Variants in ZBTB20 observed in about 807,000 individuals in gnomAD.
ZBTB20 encodes zinc finger and BTB domain-containing protein 20.
ZBTB20 carries 9 observed loss-of-function variants against 56.9 expected under a neutral mutation model. That is an observed-to-expected ratio of 0.16 (90% CI 0.10 to 0.28). ZBTB20 has a LOEUF of 0.28. Among genes scored for constraint, ZBTB20 ranks in the 10% least tolerant of loss-of-function variants. The probability of loss-of-function intolerance (pLI) is 1.00; values close to 1 mark genes in which losing one functional copy is unlikely to be tolerated. For synonymous variants in ZBTB20, 417 were observed against 420.7 expected, an observed-to-expected ratio of 0.99 and a Z score of 0.11; for missense variants, 655 against 1,003.0, an observed-to-expected ratio of 0.65 and a Z score of 4.69.
chr3:114,857,379 C>T lies in ZBTB20; in HGVS notation c.-417+42925G>A, dbSNP rs2075301352. Among the ~76,000 whole-genome samples the T allele has an allele frequency of 2.6e-5, 4 of 152,250 alleles. No homozygotes were observed. The South Asian group carries it at 8.3e-4, about 32-fold the overall frequency. On this transcript the variant is annotated intron_variant, in intron 4 of 11. Coordinates refer to ENST00000675478, the MANE Select transcript of ZBTB20 (RefSeq NM_001348800.3). Reference sequence around the variant, plus strand: ...GGCACGGTAAAACACTGGCACTTTCCCGTGATCCTTTACAAAATATTTAAG... The same window carrying T: ...GGCACGGTAAAACACTGGCACTTTCTCGTGATCCTTTACAAAATATTTAAG...
intron 1 of ZBTB20, among the ~76,000 whole-genome samples, chr3:115,088,650 A>G (rs553181779): frequency 1.8e-4 from 28 of 152,012 alleles, no homozygotes; most frequent in Non-Finnish European, 3.4e-4. Flanking sequence ...CATACAGGAT[A>G]AGTGAGAAAT....
intron 10 of ZBTB20, among the ~76,000 whole-genome samples, chr3:114,357,005 C>T (rs1481293614): frequency 6.6e-6 from 1 of 152,134 alleles, no homozygotes; most frequent in Non-Finnish European, 1.5e-5. Flanking sequence ...TATCTTGGCT[C>T]TATATACCTA....
intron 6 of ZBTB20, among the ~76,000 whole-genome samples, chr3:114,623,654 C>T (rs952471001): frequency 2.6e-5 from 4 of 152,172 alleles, no homozygotes; most frequent in African/African-American, 9.7e-5. Context: ...ATATTCTCTC[C>T]TGCTTAGCTA....
intron 5 of ZBTB20, among the ~76,000 whole-genome samples, chr3:114,700,947 C>T (rs1349354298): frequency 6.6e-6 from 1 of 152,126 alleles, no homozygotes. Flanking sequence ...TTCTCCCCTC[C>T]TATTTCTTAA....
chr3:115,134,329 T>C (rs1362047019), intron 1 of ZBTB20, among the ~76,000 whole-genome samples: 1 of 152,226 alleles, frequency 6.6e-6, no homozygotes, highest in Non-Finnish European at 1.5e-5. Flanking sequence ...TATGTTAGCT[T>C]ACAGTCAGAG....
chr3:114,416,925 C>G (rs2088620694), intron 7 of ZBTB20, among the ~76,000 whole-genome samples: 2 of 151,934 alleles, frequency 1.3e-5, no homozygotes, highest in Non-Finnish European at 2.9e-5. Flanking sequence ...AAGGACACAC[C>G]ATTTTAATAC....
At chr3:114,458,509 A>C (rs1488246898) in intron 7 of ZBTB20, among the ~76,000 whole-genome samples, 4 of 152,136 alleles carry the variant, frequency 2.6e-5, no homozygotes, top group African/African-American at 9.7e-5. Flanking sequence ...AATTCCAATC[A>C]CATTTTTTTC....
intron 2 of ZBTB20, among the ~76,000 whole-genome samples, chr3:115,044,241 C>T (rs2081257239): frequency 6.6e-6 from 1 of 152,196 alleles, no homozygotes; most frequent in African/African-American, 2.4e-5. Flanking sequence ...TCACGTAAGA[C>T]TAAATGTTAG....
intron 1 of ZBTB20, among the ~76,000 whole-genome samples, chr3:115,126,729 GA>G (rs1438860891): frequency 1.3e-5 from 2 of 152,094 alleles, no homozygotes; most frequent in Non-Finnish European, 2.9e-5. Context: ...TATTATTTAT[GA>G]AAAAATGGAA....
intron 4 of ZBTB20, among the ~76,000 whole-genome samples, chr3:114,806,500 TTA>T (rs2072117087): frequency 1.3e-5 from 2 of 151,960 alleles, no homozygotes; most frequent in Non-Finnish European, 2.9e-5. Flanking sequence ...TCTTATCAGA[TTA>T]TGATTTGCAA....
intron 5 of ZBTB20, among the ~76,000 whole-genome samples, chr3:114,756,117 C>A (rs886090460): frequency 6.6e-6 from 1 of 151,638 alleles, no homozygotes; most frequent in African/African-American, 2.4e-5. Flanking sequence ...CATTGTCAGC[C>A]ATTTTAATTC....
intron 4 of ZBTB20, among the ~76,000 whole-genome samples, chr3:114,811,210 C>T (rs2072492507): frequency 6.6e-6 from 1 of 152,090 alleles, no homozygotes; most frequent in South Asian, 2.1e-4. Context: ...TTAGTATTTG[C>T]CAGCTTATTT....
At chr3:114,349,675 A>C (rs2080481624) in intron 11 of ZBTB20, among the ~76,000 whole-genome samples, 1 of 152,206 alleles carries the variant, frequency 6.6e-6, no homozygotes, top group Admixed American at 6.5e-5. Context: ...CAAACTATAC[A>C]AACTGAATGT....
At chr3:114,749,578 AGG>A (rs1472725445) in intron 5 of ZBTB20, among the ~76,000 whole-genome samples, 1 of 137,150 alleles carries the variant, frequency 7.3e-6, no homozygotes, top group Non-Finnish European at 1.6e-5. Context: ...AAAGGAAGGA[AGG>A]AAGGAAGGAA....
At chr3:114,806,817 C>A (rs538325041) in intron 4 of ZBTB20, among the ~76,000 whole-genome samples, 1 of 152,076 alleles carries the variant, frequency 6.6e-6, no homozygotes, top group South Asian at 2.1e-4. Context: ...CGTGAATATT[C>A]ATTTATATCG....
intron 6 of ZBTB20, among the ~76,000 whole-genome samples, chr3:114,676,962 A>G (rs1217328133): frequency 6.6e-6 from 1 of 151,974 alleles, no homozygotes; most frequent in African/African-American, 2.4e-5. Flanking sequence ...TTTAGTAGAG[A>G]CGGGGTTTCA....
intron 6 of ZBTB20, among the ~76,000 whole-genome samples, chr3:114,661,355 T>C (rs1416483294): frequency 6.6e-6 from 1 of 152,126 alleles, no homozygotes; most frequent in Non-Finnish European, 1.5e-5. Context: ...AATCGAAAGA[T>C]GTGATTTTTG....
At chr3:114,562,686 A>C (rs1402065206) in intron 6 of ZBTB20, among the ~76,000 whole-genome samples, 4 of 152,168 alleles carry the variant, frequency 2.6e-5, no homozygotes, top group Non-Finnish European at 5.9e-5. Context: ...TTAAAGTGAG[A>C]GATAACGTGA....
intron 6 of ZBTB20, among the ~76,000 whole-genome samples, chr3:114,602,091 A>G (rs1299296166): frequency 1.3e-5 from 2 of 152,024 alleles, no homozygotes; most frequent in African/African-American, 4.8e-5. Context: ...TGAGATTATC[A>G]TGCTGCATCT....
Sources: gnomAD v4.1 joint callset for allele counts (sites outside exome capture counted in the v4.1 genomes callset) on GRCh38, gnomAD v4.1.1 for gene constraint, MANE v1.5 for transcripts, NCBI Gene and HGNC (gene_info 2026-07-23, HGNC 2026-07-21) for gene names.